The following SUMF1 variants were observed in gnomAD, a reference collection of about 807,000 sequenced individuals.
The protein encoded by SUMF1 is formylglycine-generating enzyme.
Under a neutral mutation model 47.6 loss-of-function variants are expected in SUMF1, and 48 were observed. The ratio of observed to expected loss-of-function variants is 1.01; its 90% CI spans 0.80 to 1.28. The LOEUF (loss-of-function observed/expected upper bound fraction) is 1.28. Among genes scored for constraint, SUMF1 ranks in the 50% most tolerant of loss-of-function variants. SUMF1 has a pLI of 0.00. For synonymous variants in SUMF1, 230 were observed against 192.1 expected (o/e 1.20, Z -1.63); for missense variants, 571 against 485.4 (o/e 1.18, Z -1.66).
rs1209912433 is a variant in SUMF1 at position 4,410,915 on chromosome 3, T to A, written c.904A>T (p.Thr302Ser). The change falls in exon 7 of 9, where the codon ACT (threonine) becomes TCT (serine). Residue 302 changes from threonine to serine, a missense_variant. Transcript: ENST00000272902. ...YNIVGNAWEWTSDWWTVHHSV... is the reference protein window; with the variant it reads ...YNIVGNAWEWSSDWWTVHHSV... The stretch of plus-strand genomic sequence containing the variant: ...TGATGAACAGTCCACCAGTCTGAAG[T>A]CCATTCCCATGCGTTCCCCACTATG... 1.2e-6 allele frequency: 2 copies of A among 1,613,930 alleles called. No individual in the cohort carries two copies. Among genetic ancestry groups the A allele is most frequent in the African/African-American group, 2.7e-5 (2 of 74,918 alleles).
intron 8 of SUMF1, 126 bp downstream of exon 8, chr3:4,376,204 T>C: frequency 8.8e-7 from 1 of 1,140,348 alleles, no homozygotes; most frequent in Non-Finnish European, 1.3e-6. Context: ...CCTTTTTTTC[T>C]GGTTTCAGTG....
chr3:4,199,409 G>A (rs894266553), intron 8 of SUMF1, among the ~76,000 whole-genome samples: 1 of 152,070 alleles, frequency 6.6e-6, no homozygotes, highest in Non-Finnish European at 1.5e-5. Flanking sequence ...GTCCAACTTT[G>A]AGGTATTATA....
At chr3:4,125,310 A>C (rs1690571080) in intron 8 of SUMF1, among the ~76,000 whole-genome samples, 1 of 152,182 alleles carries the variant, frequency 6.6e-6, no homozygotes, top group Admixed American at 6.5e-5. Context: ...GACAGCACAG[A>C]TATAGAACAT....
At chr3:4,167,373 G>C (rs1373161485) in intron 8 of SUMF1, among the ~76,000 whole-genome samples, 1 of 152,036 alleles carries the variant, frequency 6.6e-6, no homozygotes, top group Non-Finnish European at 1.5e-5. Context: ...CCTGTGACTG[G>C]CTACTCTTAG....
intron 8 of SUMF1, among the ~76,000 whole-genome samples, chr3:4,364,820 G>A (rs1033824987): frequency 6.6e-6 from 1 of 151,812 alleles, no homozygotes; most frequent in Admixed American, 6.6e-5. Context: ...TGATGTTAGG[G>A]TATCAATTTT....
intron 8 of SUMF1, among the ~76,000 whole-genome samples, chr3:4,291,136 C>T (rs1360009268): frequency 6.6e-6 from 1 of 152,072 alleles, no homozygotes; most frequent in African/African-American, 2.4e-5. Flanking sequence ...ATAACTATTC[C>T]CGATAACTCT....
intron 8 of SUMF1, among the ~76,000 whole-genome samples, chr3:4,248,995 G>A (rs1559611101): frequency 6.6e-6 from 1 of 152,162 alleles, no homozygotes; most frequent in Non-Finnish European, 1.5e-5. Context: ...GCATCTGCAT[G>A]ATCTTTCGTC....
chr3:4,379,752 G>A (rs564736923), intron 7 of SUMF1, among the ~76,000 whole-genome samples: 1 of 147,370 alleles, frequency 6.8e-6, no homozygotes, highest in South Asian at 2.1e-4. Flanking sequence ...TGAGGCAGGA[G>A]AATCACTTGA....
At chr3:4,274,277 G>A (rs768084008) in intron 8 of SUMF1, among the ~76,000 whole-genome samples, 38 of 152,066 alleles carry the variant, frequency 2.5e-4, no homozygotes, top group Non-Finnish European at 4.7e-4. Flanking sequence ...TGCCCTTGAT[G>A]TTCACTTTTA....
chr3:4,187,600 GA>G (rs1559548998), intron 8 of SUMF1, among the ~76,000 whole-genome samples: 1 of 152,132 alleles, frequency 6.6e-6, no homozygotes. Flanking sequence ...GAATTTTATT[GA>G]GGGTTTCCCA....
At chr3:4,429,827 T>G (rs1702179084) in intron 3 of SUMF1, among the ~76,000 whole-genome samples, 1 of 152,158 alleles carries the variant, frequency 6.6e-6, no homozygotes, top group Non-Finnish European at 1.5e-5. Flanking sequence ...CAGAGCTAAT[T>G]CCTCAGGCTG....
intron 8 of SUMF1, among the ~76,000 whole-genome samples, chr3:4,111,387 T>C (rs1693303147): frequency 6.6e-6 from 1 of 152,064 alleles, no homozygotes; most frequent in Non-Finnish European, 1.5e-5. Flanking sequence ...AATATCAGAC[T>C]ACATCATTCC....
intron 8 of SUMF1, among the ~76,000 whole-genome samples, chr3:4,069,355 C>G (rs1269732210): frequency 6.6e-6 from 1 of 152,142 alleles, no homozygotes; most frequent in Non-Finnish European, 1.5e-5. Flanking sequence ...CACTTAGGGC[C>G]CTGTGCTCAG....
Position 4,083,652 on chromosome 3 carries a change from T to C in SUMF1, c.1015-14907A>G, listed in dbSNP as rs536535308. ...TTATAGAAGAACTTATACCTCTGGCTTATTTTAAAACATATATTTGAAAGC... is the reference window on the plus strand; with the variant it reads ...TTATAGAAGAACTTATACCTCTGGCCTATTTTAAAACATATATTTGAAAGC... On this transcript the variant is annotated intron_variant and NMD_transcript_variant, in intron 8 of 12. Coordinates refer to the SUMF1 transcript ENST00000448413. 3.9e-4 allele frequency among the ~76,000 whole-genome samples: 60 copies of C among 152,302 alleles called. 1 individual carries two copies. The highest frequency in any genetic ancestry group is 6.8e-3 in the Middle Eastern group (2 of 294).
intron 8 of SUMF1, among the ~76,000 whole-genome samples, chr3:4,205,408 C>T (rs897677299): frequency 1.3e-5 from 2 of 152,142 alleles, no homozygotes; most frequent in African/African-American, 2.4e-5. Context: ...TCACACAAAG[C>T]TTGTCTGGTG....
downstream of SUMF1, among the ~76,000 whole-genome samples, chr3:4,358,267 A>C (rs1305614473): frequency 6.6e-6 from 1 of 152,214 alleles, no homozygotes; most frequent in African/African-American, 2.4e-5. Context: ...TTCAGGACTA[A>C]AGCAGACTTG....
chr3:4,102,351 G>T (rs1693055773), intron 8 of SUMF1, among the ~76,000 whole-genome samples: 1 of 152,094 alleles, frequency 6.6e-6, no homozygotes, highest in Non-Finnish European at 1.5e-5. Context: ...GTGCCAAAAT[G>T]GCCATCAAGA....
At chr3:4,107,912 G>C (rs894351365) in intron 8 of SUMF1, among the ~76,000 whole-genome samples, 9 of 151,970 alleles carry the variant, frequency 5.9e-5, no homozygotes, top group Non-Finnish European at 1.3e-4. Flanking sequence ...AAATACATGA[G>C]CTGTTTGGTG....
chr3:4,366,628 T>G (rs1699968227), intron 8 of SUMF1, among the ~76,000 whole-genome samples: 2 of 151,900 alleles, frequency 1.3e-5, no homozygotes, highest in Admixed American at 6.6e-5. Context: ...TAAATTTTTT[T>G]CAAAGTTTTT....
Sources: allele counts gnomAD v4.1 joint callset (sites outside exome capture counted in the v4.1 genomes callset), GRCh38; gene constraint gnomAD v4.1.1; transcripts MANE v1.5; gene names NCBI Gene and HGNC (gene_info 2026-07-23, HGNC 2026-07-21).